Variants in COBL observed in about 807,000 individuals in gnomAD.
COBL encodes cordon-bleu WH2 repeat protein, also known as protein cordon-bleu.
In COBL, 51 loss-of-function variants were observed where a neutral mutation model predicts 98.8. The observed-to-expected ratio is 0.52, with a 90% CI of 0.41 to 0.65. The LOEUF (loss-of-function observed/expected upper bound fraction) is 0.65. COBL is among the 30% of genes least tolerant of loss of function. COBL has a pLI of 0.00. For missense variants in COBL, 1,617 were observed against 1,617.5 expected (o/e 1.00, Z 0.01); for synonymous variants, 634 against 651.7 (o/e 0.97, Z 0.41).
At chr7:51,113,865 A>G (rs1162702970) in intron 6 of COBL, among the ~76,000 whole-genome samples, 1 of 152,234 alleles carries the variant, frequency 6.6e-6, no homozygotes, top group Non-Finnish European at 1.5e-5. Context: ...TTGTCTAAAA[A>G]TAATCAAGGC....
At position 51,166,521 on chromosome 7, in the gene COBL, A is replaced by T. The variant is rs76991625; in HGVS notation, c.783+17581T>A. Among the ~76,000 whole-genome samples the T allele has an allele frequency of 7.1e-3, 1,079 of 152,222 alleles. 14 individuals are homozygous for T. The highest frequency in any genetic ancestry group is 0.025 in the African/African-American group (1,031 of 41,566). ...TGTCTTCACTGCTAAATTCTCCCAAACATTTAAACAAGAACTAATACCAAT... is the reference window on the plus strand; with the variant it reads ...TGTCTTCACTGCTAAATTCTCCCAATCATTTAAACAAGAACTAATACCAAT... On this transcript the variant is annotated intron_variant, in intron 5 of 12. Transcript: ENST00000265136.
intron 7 of COBL, among the ~76,000 whole-genome samples, chr7:51,074,338 G>A (rs2128926904): frequency 6.6e-6 from 1 of 151,884 alleles, no homozygotes; most frequent in Admixed American, 6.6e-5. Flanking sequence ...TGGGATTATA[G>A]GCATGCACCG....
intron 7 of COBL, among the ~76,000 whole-genome samples, chr7:51,053,902 T>C (rs1158529579): frequency 2.0e-5 from 3 of 152,268 alleles, no homozygotes; most frequent in Non-Finnish European, 2.9e-5. Context: ...TAAAAAGGGC[T>C]GGGCGCAGTG....
intron 1 of COBL, among the ~76,000 whole-genome samples, chr7:51,244,982 G>A (rs1337525302): frequency 6.6e-6 from 1 of 152,134 alleles, no homozygotes; most frequent in Non-Finnish European, 1.5e-5. Context: ...TGGCTCGCTA[G>A]CTGAGACTGT....
intron 6 of COBL, among the ~76,000 whole-genome samples, chr7:51,087,761 A>G (rs915651675): frequency 2.2e-4 from 31 of 143,212 alleles, no homozygotes; most frequent in African/African-American, 7.7e-4. Context: ...GGTATGAGCC[A>G]CTGTGCCCGG....
At chr7:51,257,811 T>TA (rs1198151344) in intron 1 of COBL, among the ~76,000 whole-genome samples, 1 of 152,098 alleles carries the variant, frequency 6.6e-6, no homozygotes, top group African/African-American at 2.4e-5. Context: ...ATCTGATCTT[T>TA]AAAAAAACAG....
intron 2 of COBL, among the ~76,000 whole-genome samples, chr7:51,218,956 T>C (rs1332266950): frequency 1.3e-5 from 2 of 152,256 alleles, no homozygotes; most frequent in Non-Finnish European, 2.9e-5. Context: ...TTAGTTTTTT[T>C]ATTATACATT....
chr7:51,063,074 G>A (rs1276487719), intron 7 of COBL, among the ~76,000 whole-genome samples: 1 of 152,006 alleles, frequency 6.6e-6, no homozygotes, highest in East Asian at 1.9e-4. Context: ...GAAAAAGGAA[G>A]ACAGAAATTG....
At chr7:51,156,032 T>G (rs1786095228) in intron 5 of COBL, among the ~76,000 whole-genome samples, 1 of 152,204 alleles carries the variant, frequency 6.6e-6, no homozygotes, top group Non-Finnish European at 1.5e-5. Flanking sequence ...CATAAACACC[T>G]GTATTTATAA....
intron 6 of COBL, among the ~76,000 whole-genome samples, chr7:51,103,790 T>C (rs1033647278): frequency 1.3e-5 from 2 of 152,218 alleles, no homozygotes. Flanking sequence ...ATCTCATCCA[T>C]GGAGAATCTG....
chr7:51,129,785 G>A (rs1798562512), intron 6 of COBL, among the ~76,000 whole-genome samples: 2 of 152,170 alleles, frequency 1.3e-5, no homozygotes, highest in South Asian at 4.1e-4. Context: ...TGGGTGTGGG[G>A]AGAAGCAGGA....
intron 7 of COBL, among the ~76,000 whole-genome samples, chr7:51,077,617 C>T (rs1793217350): frequency 6.6e-6 from 1 of 152,232 alleles, no homozygotes; most frequent in South Asian, 2.1e-4. Context: ...ATGCTTTCTA[C>T]AGCAGGAAGT....
chr7:51,273,434 TGTG>T (rs1798974340), intron 1 of COBL, among the ~76,000 whole-genome samples: 1 of 152,210 alleles, frequency 6.6e-6, no homozygotes, highest in African/African-American at 2.4e-5. Context: ...AAAGGTTATG[TGTG>T]GTGAACAGTA....
chr7:51,297,485 G>A (rs181460699), intron 1 of COBL, among the ~76,000 whole-genome samples: 12 of 144,902 alleles, frequency 8.3e-5, no homozygotes, highest in South Asian at 6.6e-4. Flanking sequence ...TCCGTCTCCC[G>A]GGTTCAAGCA....
Position 51,028,168 on chromosome 7 carries a change from G to A in COBL, c.2928C>T (p.Phe976=), listed in dbSNP as rs143805246. The change falls in exon 10 of 13, where the codon TTC becomes TTT. Residue 976 remains phenylalanine (F), a synonymous_variant. Coordinates refer to ENST00000265136, the MANE Select transcript of COBL (RefSeq NM_015198.5). ...RPAAIHRSSC[F]SLVQSSQRDR... is the part of the protein sequence containing the mutation. ...CCCTCTGGGAAGACTGAACCAGTGA[G>A]AAACAGGAGCTTCTGTGGATAGCAG... is the stretch of plus-strand genomic sequence containing the variant. The A allele has an allele frequency of 1.9e-6, 3 of 1,614,148 alleles. No homozygotes were observed. The African/African-American group carries it at 4.0e-5, about 22-fold the overall frequency.
chr7:51,147,513 C>T lies in COBL; in HGVS notation c.784-11182G>A, dbSNP rs1302723048. ...TTCCACTGGCCAGAACAGGACCTCG[C>T]TTTCTGTATTTGTCCTGATTGGCTA... On this transcript the variant is annotated intron_variant, in intron 5 of 12. Transcript: ENST00000265136. Among the ~76,000 whole-genome samples, 3 of 152,110 alleles carry T rather than the reference C, an allele frequency of 2.0e-5. No individual in the cohort carries two copies. In the East Asian group the frequency reaches 5.8e-4, roughly 29 times the overall value.
intron 7 of COBL, among the ~76,000 whole-genome samples, chr7:51,048,595 A>G (rs938842688): frequency 3.3e-5 from 5 of 151,678 alleles, no homozygotes; most frequent in African/African-American, 1.2e-4. Context: ...TCACTACCTA[A>G]CAGAATCTTA....
At chr7:51,022,189 C>T (rs1210018903) in intron 12 of COBL, among the ~76,000 whole-genome samples, 4 of 152,014 alleles carry the variant, frequency 2.6e-5, no homozygotes, top group Admixed American at 2.0e-4. Flanking sequence ...AGCTTTCAGC[C>T]CGGGAGCATC....
At chr7:51,239,571 A>G (rs1362559765) in intron 1 of COBL, among the ~76,000 whole-genome samples, 1 of 152,202 alleles carries the variant, frequency 6.6e-6, no homozygotes, top group East Asian at 1.9e-4. Context: ...CCTATGGAGT[A>G]GCCATTCTTT....
Sources: gnomAD v4.1 joint callset for allele counts (sites outside exome capture counted in the v4.1 genomes callset) on GRCh38, gnomAD v4.1.1 for gene constraint, MANE v1.5 for transcripts, NCBI Gene and HGNC (gene_info 2026-07-23, HGNC 2026-07-21) for gene names.